Variants in TRIM62 observed in about 807,000 individuals in gnomAD.
The protein encoded by TRIM62 is tripartite motif containing 62, also known as E3 ubiquitin-protein ligase TRIM62.
In TRIM62, 39 loss-of-function variants were observed where a neutral mutation model predicts 44.2. The observed-to-expected ratio is 0.88, with a 90% CI of 0.68 to 1.15. The LOEUF is 1.15. TRIM62 is among the 50% of genes most tolerant of loss of function. TRIM62 has a pLI of 0.00. For missense variants in TRIM62, 544 were observed against 665.5 expected (o/e 0.82, Z 2.01); for synonymous variants, 278 against 292.3 (o/e 0.95, Z 0.50).
At position 33,159,721 on chromosome 1, in the gene TRIM62, G is replaced by T. The variant is rs894785878; in HGVS notation, c.728C>A (p.Thr243Asn). Residue 243 changes from threonine to asparagine, a missense_variant, in exon 3 of 5, where the codon ACC (threonine) becomes AAC (asparagine). Thr to Asn is a moderately conservative substitution (Grantham distance 65). Coordinates refer to ENST00000291416, the MANE Select transcript of TRIM62 (RefSeq NM_018207.3). This position sits in a 1 kb window ranked among gnomAD's most constrained non-coding sequence, Gnocchi z 4.2. ...QERLAETDRH[T>N]FLAGVASLSE... ...CAGTGAGGCCACCCCAGCCAGGAAG[G>T]TGTGCCGGTCGGTTTCAGCCAGCCG... The T allele has an allele frequency of 8.1e-6, 13 of 1,611,256 alleles. No homozygotes were observed. Among genetic ancestry groups the T allele is most frequent in the African/African-American group, 2.7e-5 (2 of 74,950 alleles).
intron 1 of TRIM62, among the ~76,000 whole-genome samples, chr1:33,175,583 CTGGGA>C (rs938027367): frequency 2.0e-5 from 3 of 152,168 alleles, no homozygotes; most frequent in Non-Finnish European, 4.4e-5. Context: ...TTGGTGCTCC[CTGGGA>C]CAGTTGGCGT....
In TRIM62 at chr1:33,150,649, G is replaced by T. The variant is rs530624659; in HGVS notation, c.878-2922C>A. On this transcript the variant is annotated intron_variant, in intron 4 of 4. Coordinates refer to ENST00000291416, the MANE Select transcript of TRIM62 (RefSeq NM_018207.3). ...TGGTGGCTGGATGTTTCACCCTGTG[G>T]TCTGACTGGCCACAGGCAGCTTGTC... Among the ~76,000 whole-genome samples, 5 of 152,328 alleles carry T rather than the reference G, an allele frequency of 3.3e-5. No individual in the cohort carries two copies. In the East Asian group the frequency reaches 9.7e-4, roughly 29 times the overall value.
intron 1 of TRIM62, among the ~76,000 whole-genome samples, chr1:33,174,935 A>T (rs1645402905): frequency 1.4e-5 from 1 of 70,966 alleles, no homozygotes; most frequent in Non-Finnish European, 2.7e-5. Flanking sequence ...ACACACATAC[A>T]TATATGTGTG....
In TRIM62 at chr1:33,159,015, ATTTT is replaced by A. The variant is rs947399138; in HGVS notation, c.762-651_762-648del. 6.7e-6 allele frequency among the ~76,000 whole-genome samples: 1 copy of A among 149,890 alleles called. No individual in the cohort carries two copies. Among genetic ancestry groups the A allele is most frequent in the Non-Finnish European group, 1.5e-5 (1 of 67,372 alleles). ...GCCACCACGCCCGGCTAATTTTTGT[ATTTT>A]TTTTTAGTAGAGACGGGGTTTCACC... is the stretch of plus-strand genomic sequence containing the variant. On this transcript the variant is annotated intron_variant, in intron 3 of 4. Coordinates refer to ENST00000291416, the MANE Select transcript of TRIM62 (RefSeq NM_018207.3). The surrounding 1 kb of genome is among the most constrained non-coding windows in gnomAD (Gnocchi z 4.2).
intron 4 of TRIM62, among the ~76,000 whole-genome samples, chr1:33,151,775 A>G (rs1447176677): frequency 6.6e-6 from 1 of 152,206 alleles, no homozygotes; most frequent in Non-Finnish European, 1.5e-5. Flanking sequence ...TTCAGGAAGG[A>G]TCATGGACTG....
intron 1 of TRIM62, among the ~76,000 whole-genome samples, chr1:33,174,968 T>TATAC (rs1447948019): frequency 4.0e-5 from 5 of 124,950 alleles, no homozygotes; most frequent in African/African-American, 1.5e-4. Flanking sequence ...TATATATATA[T>TATAC]ACACACATAT....
intron 1 of TRIM62, among the ~76,000 whole-genome samples, chr1:33,172,985 A>G (rs1172330628): frequency 6.6e-6 from 1 of 152,168 alleles, no homozygotes; most frequent in Non-Finnish European, 1.5e-5. Flanking sequence ...TGCACACAAT[A>G]GGTGCTCAAG....
Position 33,181,413 on chromosome 1 carries a change from T to C in TRIM62, c.20A>G (p.Asp7Gly). The change falls in exon 1 of 5, where the codon GAC (aspartate) becomes GGC (glycine). Residue 7 changes from aspartate to glycine, a missense_variant. Coordinates refer to ENST00000291416, the MANE Select transcript of TRIM62 (RefSeq NM_018207.3). This position sits in a 1 kb window ranked among gnomAD's most constrained non-coding sequence, Gnocchi z 6.5. ...CAGGCAGATGGAGCACAGCAGCTCG[T>C]CCTTGAGGCTGCACGCCATGGCGCC... MACSLK[D>G]ELLCSICLSI... The C allele has an allele frequency of 1.2e-6, 2 of 1,600,162 alleles. No homozygotes were observed. Among genetic ancestry groups the C allele is most frequent in the Non-Finnish European group, 1.7e-6 (2 of 1,176,668 alleles).
rs1290068306 is a variant in TRIM62 at position 33,146,455 on chromosome 1, T to A, written c.*722A>T. ...CCAGGGAGGCTTGTCCTGCAGTTGC[T>A]TTTAGGCTAATGGGCTCTGCATCAG... On this transcript the variant is annotated 3_prime_UTR_variant, in exon 5 of 5. Transcript: ENST00000291416. 1.3e-5 allele frequency: 2 copies of A among 159,176 alleles called. No homozygotes were observed. The highest frequency in any genetic ancestry group is 2.8e-5 in the Non-Finnish European group (2 of 71,972). The allele number at this position is 159,176 out of a possible 1,614,324, so 9.9% of individuals were successfully genotyped here. A position where few individuals can be genotyped will look rare whatever the true frequency, so the allele number is the denominator to read the frequency against.
chr1:33,147,097 A>G lies in TRIM62; in HGVS notation c.*80T>C. ...GTCTCCAGTGGCCACGGTGGGCTGGAGTCCAGGTCTTCTATCTCCTGGGCA... is the reference window on the plus strand; with the variant it reads ...GTCTCCAGTGGCCACGGTGGGCTGGGGTCCAGGTCTTCTATCTCCTGGGCA... On this transcript the variant is annotated 3_prime_UTR_variant, in exon 5 of 5. Transcript: ENST00000291416. The surrounding 1 kb of genome is among the most constrained non-coding windows in gnomAD (Gnocchi z 8.1). 1 of 1,499,404 alleles carries G rather than the reference A, an allele frequency of 6.7e-7. No homozygotes were observed. 92.9% of individuals were successfully genotyped at this position (1,499,404 alleles called of 1,614,324 possible).
intron 3 of TRIM62, 99 bp from the exon 4 acceptor site, chr1:33,158,467 TG>T (rs1241569798): frequency 2.3e-6 from 2 of 870,442 alleles, no homozygotes; most frequent in Admixed American, 3.8e-5. Context: ...GCATAGGATG[TG>T]GTCATGAGTG....
rs140221635 is a variant in TRIM62 at position 33,147,703 on chromosome 1, G to C, written c.902C>G (p.Pro301Arg). The C allele has an allele frequency of 1.2e-6, 2 of 1,612,576 alleles. No homozygotes were observed. The highest frequency in any genetic ancestry group is 1.7e-6 in the Non-Finnish European group (2 of 1,179,286). Residue 301 changes from proline to arginine, a missense_variant, in exon 5 of 5, where the codon CCG (proline) becomes CGG (arginine). Transcript: ENST00000291416. This position sits in a 1 kb window ranked among gnomAD's most constrained non-coding sequence, Gnocchi z 8.1. ...GATCAGGCGCTGGTGGGCTGTGCCC[G>C]GGTCCAGGGTTAGGGCGGCTGGCAC... ...HPVPAALTLDPGTAHQRLILS... is the reference protein window; with the variant it reads ...HPVPAALTLDRGTAHQRLILS...
chr1:33,169,180 C>T (rs1645353546), intron 1 of TRIM62, among the ~76,000 whole-genome samples: 1 of 152,166 alleles, frequency 6.6e-6, no homozygotes, highest in Non-Finnish European at 1.5e-5. Flanking sequence ...GACACAGACA[C>T]TTACATCATG....
intron 1 of TRIM62, among the ~76,000 whole-genome samples, chr1:33,174,531 T>C (rs1006708699): frequency 6.6e-6 from 1 of 152,078 alleles, no homozygotes; most frequent in Non-Finnish European, 1.5e-5. Context: ...AATGGGGCAA[T>C]GAGATCCATC....
chr1:33,164,339 C>T (rs971508993), intron 2 of TRIM62: 10 of 152,236 alleles, frequency 6.6e-5, no homozygotes, highest in African/African-American at 9.7e-5. Flanking sequence ...AAGGCTCTGC[C>T]GCAGCTCCTG....
chr1:33,169,202 G>A (rs1386663628), intron 1 of TRIM62, among the ~76,000 whole-genome samples: 1 of 152,102 alleles, frequency 6.6e-6, no homozygotes, highest in African/African-American at 2.4e-5. Context: ...GGAATGCTGC[G>A]ATCGTGTTAG....
chr1:33,170,536 C>G (rs930255683), intron 1 of TRIM62, among the ~76,000 whole-genome samples: 2 of 152,056 alleles, frequency 1.3e-5, no homozygotes, highest in African/African-American at 4.8e-5. Context: ...TGTCCCTGCC[C>G]AAGGATGAGG....
Position 33,159,143 on chromosome 1 carries a change from C to T in TRIM62, c.761+545G>A, listed in dbSNP as rs1279332877. 2.6e-5 allele frequency among the ~76,000 whole-genome samples: 4 copies of T among 151,944 alleles called. No homozygotes were observed. Among genetic ancestry groups the T allele is most frequent in the Admixed American group, 2.0e-4 (3 of 15,260 alleles). ...TACAGGTGTGAGCCACCGTGCCCAG[C>T]AGGAGCCTCAGTTTCTACATGCATG... On this transcript the variant is annotated intron_variant, in intron 3 of 4. Coordinates refer to ENST00000291416, the MANE Select transcript of TRIM62 (RefSeq NM_018207.3). The surrounding 1 kb of genome is among the most constrained non-coding windows in gnomAD (Gnocchi z 4.2).
At position 33,165,606 on chromosome 1, in the gene TRIM62, G is replaced by A. The variant is rs1570324162; in HGVS notation, c.409-40C>T. On this transcript the variant is annotated intron_variant, in intron 1 of 4. Transcript: ENST00000291416. The surrounding 1 kb of genome is among the most constrained non-coding windows in gnomAD (Gnocchi z 4.0). ...GGGCCGGGATGGGGGCAGGGGCCAT[G>A]CCTGGCCCAGGCATTCAGCCCTGAC... 1.9e-6 allele frequency: 3 copies of A among 1,538,908 alleles called. No homozygotes were observed. The highest frequency in any genetic ancestry group is 2.6e-6 in the Non-Finnish European group (3 of 1,132,486).
Sources: allele counts gnomAD v4.1 joint callset (sites outside exome capture counted in the v4.1 genomes callset), GRCh38; gene constraint gnomAD v4.1.1; non-coding constraint Gnocchi (gnomAD v3.1); transcripts MANE v1.5; gene names NCBI Gene and HGNC (gene_info 2026-07-23, HGNC 2026-07-21).